Variants in GMCL1 observed in about 807,000 individuals in gnomAD.
GMCL1 encodes germ cell-less protein-like 1.
Under a neutral mutation model 75.5 loss-of-function variants are expected in GMCL1, and 54 were observed. The ratio of observed to expected loss-of-function variants is 0.71; its 90% CI spans 0.57 to 0.90. The LOEUF (loss-of-function observed/expected upper bound fraction) is 0.90. Ranked by LOEUF, GMCL1 falls within the 40% of genes least tolerant of loss-of-function variation. The pLI is 0.00. For synonymous variants in GMCL1, 210 were observed against 209.6 expected (o/e 1.00, Z -0.02); for missense variants, 537 against 622.7 (o/e 0.86, Z 1.47).
rs1473955131 is a variant in GMCL1, at chr2:69,829,790, G to A, written c.-103G>A. The A allele has an allele frequency of 1.6e-6, 2 of 1,255,096 alleles. No homozygotes were observed. Among genetic ancestry groups the A allele is most frequent in the African/African-American group, 3.0e-5 (2 of 65,722 alleles). 77.7% of individuals were successfully genotyped at this position (1,255,096 alleles called of 1,614,324 possible). On this transcript the variant is annotated 5_prime_UTR_variant, in exon 1 of 14. Transcript: ENST00000282570. ...GGTTGGGGCTGCGCGTGAGAAGGTGGCGGTGTAGGCACCTGCGCTCGGGGA... is the reference window on the plus strand; with the variant it reads ...GGTTGGGGCTGCGCGTGAGAAGGTGACGGTGTAGGCACCTGCGCTCGGGGA...
At chr2:69,871,161 A>C (rs1675972146) in intron 12 of GMCL1, among the ~76,000 whole-genome samples, 1 of 149,332 alleles carries the variant, frequency 6.7e-6, no homozygotes, top group African/African-American at 2.5e-5. Flanking sequence ...AAAATGTGGT[A>C]TATACATAAA....
chr2:69,831,138 C>G (rs1243237528), intron 1 of GMCL1, among the ~76,000 whole-genome samples: 3 of 152,118 alleles, frequency 2.0e-5, no homozygotes, highest in African/African-American at 7.2e-5. Context: ...AGGCTTGTCT[C>G]AAATTCCCGA....
intron 8 of GMCL1, among the ~76,000 whole-genome samples, chr2:69,851,269 C>G (rs975707931): frequency 6.6e-6 from 1 of 151,914 alleles, no homozygotes; most frequent in Non-Finnish European, 1.5e-5. Flanking sequence ...AGACCCTGTC[C>G]CTACAAAAAG....
Position 69,829,843 on chromosome 2 carries a change from CG to C in GMCL1, c.-47del, listed in dbSNP as rs1674616274. On this transcript the variant is annotated 5_prime_UTR_variant, in exon 1 of 14. It removes the in-frame stop codon of an upstream open reading frame in the 5' UTR. Coordinates refer to ENST00000282570, the MANE Select transcript of GMCL1 (RefSeq NM_178439.5). ...GCTGGCGGCGGCGGCCGAGCCATGG[CG>C]GGAGACCCCCTTCTCTGGGCTCCCT... The C allele has an allele frequency of 6.7e-7, 1 of 1,493,890 alleles. No homozygotes were observed. The allele number at this position is 1,493,890 out of a possible 1,614,324, so 92.5% of individuals were successfully genotyped here.
chr2:69,832,202 A>G (rs1440654050), intron 1 of GMCL1, among the ~76,000 whole-genome samples: 3 of 151,650 alleles, frequency 2.0e-5, no homozygotes, highest in Non-Finnish European at 4.4e-5. Flanking sequence ...TCTGGGTGAC[A>G]AAGTGAGACT....
Position 69,849,748 on chromosome 2 carries a change from C to A in GMCL1, c.934+6C>A. 3 of 1,539,676 alleles carry A rather than the reference C, an allele frequency of 1.9e-6. No homozygotes were observed. The highest frequency in any genetic ancestry group is 8.7e-7 in the Non-Finnish European group (1 of 1,145,036). Reference sequence around the variant, plus strand: ...GTTTTCTAAACAGAGGAAAGGTAGGCCTGAAGTTTTTGAGAACTTGTCTTT... The same window carrying A: ...GTTTTCTAAACAGAGGAAAGGTAGGACTGAAGTTTTTGAGAACTTGTCTTT... On this transcript the variant is annotated splice_donor_region_variant and intron_variant, in intron 8 of 13. Transcript: ENST00000282570.
At chr2:69,831,723 C>T (rs1157242861) in intron 1 of GMCL1, among the ~76,000 whole-genome samples, 1 of 152,160 alleles carries the variant, frequency 6.6e-6, no homozygotes, top group African/African-American at 2.4e-5. Flanking sequence ...TCTCCCACCT[C>T]AGCCTTCTGT....
At chr2:69,874,954 G>A (rs1676085531) in intron 13 of GMCL1, among the ~76,000 whole-genome samples, 1 of 151,156 alleles carries the variant, frequency 6.6e-6, no homozygotes, top group African/African-American at 2.4e-5. Flanking sequence ...CACGTTGCCT[G>A]GGCTTGTCTG....
intron 1 of GMCL1, among the ~76,000 whole-genome samples, chr2:69,834,479 CTT>C (rs1406289727): frequency 1.3e-5 from 2 of 152,160 alleles, no homozygotes; most frequent in African/African-American, 2.4e-5. Flanking sequence ...AATTTAGTCT[CTT>C]TTACTTTATT....
chr2:69,870,092 G>C (rs886277120), intron 12 of GMCL1, among the ~76,000 whole-genome samples: 2 of 149,000 alleles, frequency 1.3e-5, no homozygotes, highest in Non-Finnish European at 3.0e-5. Flanking sequence ...TACCAGTAGG[G>C]AATATCAGCC....
At chr2:69,840,441 A>T (rs1674952076) in intron 3 of GMCL1, among the ~76,000 whole-genome samples, 1 of 152,036 alleles carries the variant, frequency 6.6e-6, no homozygotes, top group South Asian at 2.1e-4. Flanking sequence ...TACAAAGCAA[A>T]CCATGTGGGA....
intron 13 of GMCL1, 40 bp downstream of exon 13, chr2:69,871,872 G>A (rs1362376586): frequency 8.2e-7 from 1 of 1,216,784 alleles, no homozygotes; most frequent in South Asian, 1.3e-5. Context: ...CATAATATTT[G>A]TCTTTTGAAT....
intron 11 of GMCL1, 65 bp downstream of exon 11, chr2:69,865,040 G>GT: frequency 8.5e-7 from 1 of 1,177,994 alleles, no homozygotes; most frequent in Admixed American, 1.7e-5. Context: ...TCCTGCACCT[G>GT]TAAGTAGTAA....
chr2:69,841,972 A>G (rs778493636), intron 4 of GMCL1, among the ~76,000 whole-genome samples: 4 of 152,250 alleles, frequency 2.6e-5, no homozygotes, highest in Non-Finnish European at 4.4e-5. Flanking sequence ...AAATACATCT[A>G]TACATTGCTA....
intron 1 of GMCL1, among the ~76,000 whole-genome samples, chr2:69,837,316 A>C (rs957427626): frequency 2.0e-5 from 3 of 152,174 alleles, no homozygotes; most frequent in African/African-American, 4.8e-5. Flanking sequence ...TTTCTCCACT[A>C]TCTCTCCCGT....
At chr2:69,838,674 C>T (rs1199200967) in intron 2 of GMCL1, among the ~76,000 whole-genome samples, 1 of 152,124 alleles carries the variant, frequency 6.6e-6, no homozygotes, top group Non-Finnish European at 1.5e-5. Flanking sequence ...GATACTATAT[C>T]AGAATATTGC....
Position 69,879,107 on chromosome 2 carries a change from C to G in GMCL1, c.*103C>G, listed in dbSNP as rs1676208244. ...GGCCAGCTTTAATTTAATGGCCCTACTGATATTCACATCGAAGGTGACTAA... is the reference window on the plus strand; with the variant it reads ...GGCCAGCTTTAATTTAATGGCCCTAGTGATATTCACATCGAAGGTGACTAA... On this transcript the variant is annotated 3_prime_UTR_variant, in exon 14 of 14. Coordinates refer to ENST00000282570, the MANE Select transcript of GMCL1 (RefSeq NM_178439.5). 1 of 683,734 alleles carries G rather than the reference C, an allele frequency of 1.5e-6. No individual in the cohort carries two copies. The highest frequency in any genetic ancestry group is 2.6e-5 in the Admixed American group (1 of 39,086). The allele number at this position is 683,734 out of a possible 1,614,324, so 42.4% of individuals were successfully genotyped here.
chr2:69,878,136 G>A (rs1056501958), intron 13 of GMCL1, among the ~76,000 whole-genome samples: 3 of 152,200 alleles, frequency 2.0e-5, no homozygotes, highest in Non-Finnish European at 2.9e-5. Flanking sequence ...GTCTCTGGGA[G>A]TTCTGAGCAT....
intron 9 of GMCL1, among the ~76,000 whole-genome samples, chr2:69,860,076 G>A (rs762561158): frequency 1.4e-4 from 21 of 152,054 alleles, no homozygotes; most frequent in Non-Finnish European, 2.1e-4. Flanking sequence ...TCCAGGGCTC[G>A]CTGCAGCCTT....
Sources: allele counts gnomAD v4.1 joint callset (sites outside exome capture counted in the v4.1 genomes callset), GRCh38; gene constraint gnomAD v4.1.1; transcripts MANE v1.5; gene names NCBI Gene and HGNC (gene_info 2026-07-23, HGNC 2026-07-21).